Variants in MCUR1 observed in about 807,000 individuals in gnomAD.
MCUR1 encodes MCU regulator 1.
In MCUR1, 37 loss-of-function variants were observed where a neutral mutation model predicts 42.0. The observed-to-expected ratio is 0.88, with a 90% confidence interval of 0.68 to 1.16. The LOEUF is 1.16. Among genes scored for constraint, MCUR1 ranks in the 50% most tolerant of loss-of-function variants. MCUR1 has a pLI of 0.00. For synonymous variants in MCUR1, 229 were observed against 196.2 expected (o/e 1.17, Z -1.40); for missense variants, 469 against 468.4 (o/e 1.00, Z -0.01).
rs754509182 is a variant in MCUR1 at position 13,802,320 on chromosome 6, T to G, written c.562A>C (p.Ile188Leu). The change falls in exon 3 of 9, where the codon ATT (isoleucine) becomes CTT (leucine). Residue 188 changes from isoleucine (I) to leucine (L), a missense_variant. By Grantham distance (5) the Ile-to-Leu change is conservative. Transcript: ENST00000379170. ...AGGATCTTGACCAATGCAGACACAA[T>G]GATTTCTGCTTGTTGAGTAGCAAAC... is the stretch of plus-strand genomic sequence containing the variant. ...NGFATQQAEI[I>L]VSALVKILEA... is the part of the protein sequence containing the mutation. 5 of 1,613,594 alleles carry G rather than the reference T, an allele frequency of 3.1e-6. No homozygotes were observed. In the East Asian group the frequency reaches 8.9e-5, roughly 29 times the overall value.
chr6:13,808,736 T>C (rs1338006746), intron 1 of MCUR1, among the ~76,000 whole-genome samples: 2 of 152,146 alleles, frequency 1.3e-5, no homozygotes, highest in Non-Finnish European at 2.9e-5. Flanking sequence ...CATGTAGATA[T>C]CTAGTTGTCC....
chr6:13,787,307 G>GC lies in MCUR1; in HGVS notation c.*3501dup, dbSNP rs1759625291. 6.6e-6 allele frequency: 1 copy of GC among 152,166 alleles called. No individual in the cohort carries two copies. The highest frequency in any genetic ancestry group is 2.4e-5 in the African/African-American group (1 of 41,444). The allele number at this position is 152,166 out of a possible 1,614,324, so 9.4% of individuals were successfully genotyped here. Reference sequence around the variant, plus strand: ...TTCAAGTGTTCAGAGACGAATTCCAGCAAGACTTCTGGTTTGAGTCAAGCC... The same window carrying GC: ...TTCAAGTGTTCAGAGACGAATTCCAGCCAAGACTTCTGGTTTGAGTCAAGCC... On this transcript the variant is annotated 3_prime_UTR_variant, in exon 9 of 9. Coordinates refer to ENST00000379170, the MANE Select transcript of MCUR1 (RefSeq NM_001031713.4).
intron 7 of MCUR1, among the ~76,000 whole-genome samples, chr6:13,793,136 A>G (rs1369556336): frequency 6.6e-6 from 1 of 151,404 alleles, no homozygotes; most frequent in East Asian, 1.9e-4. Context: ...AAAAAAAAAA[A>G]AAAAAAAAAA....
At chr6:13,810,515 C>A (rs1760210221) in intron 1 of MCUR1, among the ~76,000 whole-genome samples, 1 of 152,148 alleles carries the variant, frequency 6.6e-6, no homozygotes, top group Non-Finnish European at 1.5e-5. Context: ...ACTCAAAGGT[C>A]AAAGGTTTCC....
Position 13,790,726 on chromosome 6 carries a change from T to TA in MCUR1, c.*82dup, listed in dbSNP as rs1759711848. 9.4e-7 allele frequency: 1 copy of TA among 1,064,600 alleles called. No individual in the cohort carries two copies. Among genetic ancestry groups the TA allele is most frequent in the Non-Finnish European group, 1.4e-6 (1 of 708,294 alleles). The allele number at this position is 1,064,600 out of a possible 1,614,324, so 65.9% of individuals were successfully genotyped here. ...CCTCAGCCTCCCAAAGTGCTGGAAT[T>TA]ACAGGTGTGAGCCACCGCACCCAGC... On this transcript the variant is annotated 3_prime_UTR_variant, in exon 9 of 9. Transcript: ENST00000379170.
intron 1 of MCUR1, among the ~76,000 whole-genome samples, chr6:13,811,491 T>G (rs2113482443): frequency 6.6e-6 from 1 of 152,276 alleles, no homozygotes; most frequent in African/African-American, 2.4e-5. Context: ...TCTTTTTTAG[T>G]TTATTTCCAG....
chr6:13,798,957 A>G (rs1759923337), intron 5 of MCUR1, 53 bp from the exon 6 acceptor site: 1 of 1,096,142 alleles, frequency 9.1e-7, no homozygotes, highest in Non-Finnish European at 1.4e-6. Flanking sequence ...AGAAACCCAA[A>G]CTCTATGAGG....
Position 13,791,811 on chromosome 6 carries a change from G to T in MCUR1, c.1024+67C>A. The T allele has an allele frequency of 4.6e-6, 5 of 1,085,540 alleles. No homozygotes were observed. The South Asian group carries it at 5.7e-5, about 12-fold the overall frequency. 67.2% of individuals were successfully genotyped at this position (1,085,540 alleles called of 1,614,324 possible). The stretch of plus-strand genomic sequence containing the variant: ...TTGGAATCAATGAAATGCAGTATCT[G>T]TCAACGACTTATTTTATAAATTTAT... On this transcript the variant is annotated intron_variant, in intron 8 of 8. Transcript: ENST00000379170.
In MCUR1 at chr6:13,790,464, GT is replaced by G. The variant is rs572005349; in HGVS notation, c.*344del. 356 of 142,634 alleles carry G rather than the reference GT, an allele frequency of 2.5e-3. 1 individual carries two copies. Among genetic ancestry groups the G allele is most frequent in the Middle Eastern group, 7.1e-3 (2 of 282 alleles). The allele number at this position is 142,634 out of a possible 1,614,324, so 8.8% of individuals were successfully genotyped here. A position where few individuals can be genotyped will look rare whatever the true frequency, so the allele number is the denominator to read the frequency against. On this transcript the variant is annotated 3_prime_UTR_variant, in exon 9 of 9. Transcript: ENST00000379170. ...AAAAGGACAACAATCTGGTATTCCG[GT>G]TTTTTTTTTTTTTTTGAGACGGAGT... is the stretch of plus-strand genomic sequence containing the variant.
At chr6:13,805,098 C>T (rs1760088308) in intron 2 of MCUR1, among the ~76,000 whole-genome samples, 3 of 151,922 alleles carry the variant, frequency 2.0e-5, no homozygotes, top group Admixed American at 2.0e-4. Context: ...TTGAAAGATG[C>T]AAATAACCAT....
At chr6:13,801,478 A>C (rs547652695) in intron 3 of MCUR1, 89 bp from the exon 4 acceptor site, 1 of 879,678 alleles carries the variant, frequency 1.1e-6, no homozygotes, top group African/African-American at 1.6e-5. Flanking sequence ...TTATTGAGAA[A>C]CCAGGACAAT....
Position 13,799,718 on chromosome 6 carries a change from C to T in MCUR1, c.783+623G>A, listed in dbSNP as rs539846904. On this transcript the variant is annotated intron_variant, in intron 5 of 8. Transcript: ENST00000379170. Reference sequence around the variant, plus strand: ...TGGCACAGTAAGCATTTAAAAATCACGTGTGATTCTCTAAAGACAGTCTAA... The same window carrying T: ...TGGCACAGTAAGCATTTAAAAATCATGTGTGATTCTCTAAAGACAGTCTAA... Among the ~76,000 whole-genome samples the T allele has an allele frequency of 7.9e-5, 12 of 151,986 alleles. No homozygotes were observed. In the East Asian group the frequency reaches 1.7e-3, roughly 22 times the overall value.
At chr6:13,791,845 C>A (rs1259049042) in intron 8 of MCUR1, 33 bp downstream of exon 8, 11 of 1,434,804 alleles carry the variant, frequency 7.7e-6, no homozygotes, top group Non-Finnish European at 1.1e-5. Context: ...ATTTTCTTTT[C>A]AGGTTGATTT....
At chr6:13,799,015 C>T in intron 5 of MCUR1, 111 bp from the exon 6 acceptor site, 1 of 654,090 alleles carries the variant, frequency 1.5e-6, no homozygotes, top group East Asian at 2.8e-5. Flanking sequence ...CTAGGCGAGG[C>T]AACCCAGGGA....
chr6:13,802,324 T>A lies in MCUR1; in HGVS notation c.558A>T (p.Glu186Asp). 7 of 1,613,648 alleles carry A rather than the reference T, an allele frequency of 4.3e-6. No homozygotes were observed. Among genetic ancestry groups the A allele is most frequent in the Non-Finnish European group, 5.9e-6 (7 of 1,179,684 alleles). ...TCTTGACCAATGCAGACACAATGAT[T>A]TCTGCTTGTTGAGTAGCAAACCCTA... ...EDNGFATQQA[E>D]IIVSALVKIL... Residue 186 changes from glutamate (E) to aspartate (D), a missense_variant, in exon 3 of 9, where the codon GAA (glutamate) becomes GAT (aspartate). By Grantham distance (45) the Glu-to-Asp change is conservative. Transcript: ENST00000379170.
chr6:13,813,924 G>A (rs2113486561), intron 1 of MCUR1, 91 bp downstream of exon 1: 2 of 1,196,676 alleles, frequency 1.7e-6, no homozygotes, highest in Non-Finnish European at 2.1e-6. Flanking sequence ...GGCCTGCCGG[G>A]CCTTTCCTCG....
chr6:13,801,342 C>T lies in MCUR1; in HGVS notation c.687G>A (p.Lys229=), dbSNP rs201100064. 1 of 1,612,878 alleles carries T rather than the reference C, an allele frequency of 6.2e-7. No homozygotes were observed. Among genetic ancestry groups the T allele is most frequent in the Admixed American group, 1.7e-5 (1 of 59,966 alleles). ...QVMSQIANVK[K]DMIILEKSEF... is the part of the protein sequence containing the mutation. ...CACTCTTCTCCAAAATAATCATATC[C>T]TTTTTCACATTCGCAATCTGAGACA... Residue 229 remains lysine, a synonymous_variant, in exon 4 of 9, where the codon AAG becomes AAA. Transcript: ENST00000379170.
intron 2 of MCUR1, among the ~76,000 whole-genome samples, chr6:13,802,855 C>A (rs766426848): frequency 4.6e-5 from 7 of 152,024 alleles, no homozygotes; most frequent in Non-Finnish European, 1.0e-4. Context: ...TGTTTTATGT[C>A]CAGCATAAGG....
At chr6:13,800,596 A>G (rs1485766789) in intron 4 of MCUR1, among the ~76,000 whole-genome samples, 1 of 152,214 alleles carries the variant, frequency 6.6e-6, no homozygotes, top group African/African-American at 2.4e-5. Flanking sequence ...TGTGTTTGGC[A>G]TACACATTTG....
Sources: allele counts gnomAD v4.1 joint callset (sites outside exome capture counted in the v4.1 genomes callset), GRCh38; gene constraint gnomAD v4.1.1; transcripts MANE v1.5; gene names NCBI Gene and HGNC (gene_info 2026-07-23, HGNC 2026-07-21).